PAFAH1B1: variants seen among roughly 807,000 people sequenced by gnomAD.
PAFAH1B1 encodes the protein platelet-activating factor acetylhydrolase IB subunit beta.
In PAFAH1B1, 2 loss-of-function variants were observed where a neutral mutation model predicts 57.5. That is an observed-to-expected ratio of 0.03 (90% confidence interval 0.01 to 0.11). PAFAH1B1 has a LOEUF of 0.11. PAFAH1B1 is among the 10% of genes least tolerant of loss of function. The pLI is 1.00. For missense variants in PAFAH1B1, 257 were observed against 512.0 expected (o/e 0.50, Z 4.81); for synonymous variants, 152 against 169.6 (o/e 0.90, Z 0.81).
intron 2 of PAFAH1B1, among the ~76,000 whole-genome samples, chr17:2,650,601 C>CAG: frequency 7.4e-6 from 1 of 134,550 alleles, no homozygotes; most frequent in East Asian, 2.2e-4. Flanking sequence ...TCTTGCGCCA[C>CAG]TGCACTCCAG....
chr17:2,598,558 T>C (rs1242967316), intron 1 of PAFAH1B1, among the ~76,000 whole-genome samples: 1 of 152,136 alleles, frequency 6.6e-6, no homozygotes, highest in Non-Finnish European at 1.5e-5. Flanking sequence ...GGAAATTCTT[T>C]GCCACTGTTT....
chr17:2,653,000 G>T (rs531362417), intron 2 of PAFAH1B1, among the ~76,000 whole-genome samples: 3 of 152,242 alleles, frequency 2.0e-5, no homozygotes, highest in Admixed American at 6.5e-5. Context: ...GTTCACAATA[G>T]CAAAGACTTG....
At chr17:2,637,294 C>T (rs2068637485) in intron 1 of PAFAH1B1, among the ~76,000 whole-genome samples, 1 of 152,080 alleles carries the variant, frequency 6.6e-6, no homozygotes, top group African/African-American at 2.4e-5. Flanking sequence ...ATCTCAAATA[C>T]ATTTCTTAAT....
At chr17:2,615,157 T>C (rs1050197545) in intron 1 of PAFAH1B1, among the ~76,000 whole-genome samples, 1 of 152,214 alleles carries the variant, frequency 6.6e-6, no homozygotes, top group Admixed American at 6.5e-5. Context: ...TTTATTTTTT[T>C]AGGTATTCTA....
intron 1 of PAFAH1B1, among the ~76,000 whole-genome samples, chr17:2,601,413 A>G (rs1475988639): frequency 1.3e-5 from 2 of 151,742 alleles, no homozygotes; most frequent in Admixed American, 6.6e-5. Flanking sequence ...GAGTACAGGC[A>G]TGAGCCACCG....
chr17:2,669,387 G>A (rs1012095015), intron 5 of PAFAH1B1, among the ~76,000 whole-genome samples: 16 of 151,332 alleles, frequency 1.1e-4, no homozygotes, highest in East Asian at 9.8e-4. Context: ...TCAGCCTCCC[G>A]AGTAGCCGGG....
intron 2 of PAFAH1B1, among the ~76,000 whole-genome samples, chr17:2,650,657 AAAAGG>A (rs1301438177): frequency 1.4e-5 from 2 of 144,046 alleles, no homozygotes; most frequent in East Asian, 2.0e-4. Flanking sequence ...AAAAAAAAAA[AAAAGG>A]AAGTTAATTG....
chr17:2,643,720 C>T (rs1280974405), intron 2 of PAFAH1B1, among the ~76,000 whole-genome samples: 2 of 151,976 alleles, frequency 1.3e-5, no homozygotes, highest in Non-Finnish European at 2.9e-5. Flanking sequence ...CCACCACACC[C>T]CGCTAATTTT....
At chr17:2,616,616 A>G (rs1243647245) in intron 1 of PAFAH1B1, among the ~76,000 whole-genome samples, 2 of 152,232 alleles carry the variant, frequency 1.3e-5, no homozygotes, top group African/African-American at 4.8e-5. Context: ...GCTGACTTAA[A>G]TGTTAATTGT....
intron 1 of PAFAH1B1, 136 bp from the exon 2 acceptor site, chr17:2,637,963 A>C (rs1184045322): frequency 1.2e-5 from 5 of 423,468 alleles, no homozygotes; most frequent in Non-Finnish European, 2.1e-5. Flanking sequence ...GACTTTCACT[A>C]TAAGTGGAAA....
At chr17:2,627,045 C>T (rs1455933367) in intron 1 of PAFAH1B1, among the ~76,000 whole-genome samples, 5 of 152,146 alleles carry the variant, frequency 3.3e-5, no homozygotes, top group African/African-American at 1.2e-4. Context: ...TGTGGGTTGT[C>T]TGTTTACTCT....
intron 2 of PAFAH1B1, chr17:2,640,949 A>G (rs1007796711): frequency 6.6e-6 from 1 of 152,114 alleles, no homozygotes; most frequent in African/African-American, 2.4e-5. Context: ...AGACCATGCA[A>G]ACATTCATGT....
At chr17:2,650,309 C>T (rs993732999) in intron 2 of PAFAH1B1, among the ~76,000 whole-genome samples, 1 of 152,116 alleles carries the variant, frequency 6.6e-6, no homozygotes, top group Non-Finnish European at 1.5e-5. Context: ...GTCAGGAGTT[C>T]AAGACCAGCT....
intron 2 of PAFAH1B1, among the ~76,000 whole-genome samples, chr17:2,646,876 C>A (rs1597549590): frequency 6.6e-6 from 1 of 152,032 alleles, no homozygotes; most frequent in Non-Finnish European, 1.5e-5. Context: ...ATTGCTTTTT[C>A]CGGGACATAA....
Position 2,683,410 on chromosome 17 carries a change from G to A in PAFAH1B1, c.*1608G>A, listed in dbSNP as rs2069416812. ...TCTGAACTGCGTTTTATTCATTTGT[G>A]TACTATGTGATTTTTTAAATGTCCC... On this transcript the variant is annotated 3_prime_UTR_variant, in exon 11 of 11. Transcript: ENST00000397195. 1 of 152,152 alleles carries A rather than the reference G, an allele frequency of 6.6e-6. No homozygotes were observed. The highest frequency in any genetic ancestry group is 6.5e-5 in the Admixed American group (1 of 15,272). 9.4% of individuals were successfully genotyped at this position (152,152 alleles called of 1,614,324 possible). A position where few individuals can be genotyped will look rare whatever the true frequency, so the allele number is the denominator to read the frequency against.
At chr17:2,613,946 C>T (rs983164690) in intron 1 of PAFAH1B1, 10 of 178,382 alleles carry the variant, frequency 5.6e-5, no homozygotes, top group African/African-American at 2.2e-4. Context: ...CAAGAGGGGG[C>T]GGCTGTGGCA....
intron 1 of PAFAH1B1, among the ~76,000 whole-genome samples, chr17:2,594,425 G>C (rs1417867187): frequency 6.6e-6 from 1 of 152,218 alleles, no homozygotes; most frequent in African/African-American, 2.4e-5. Context: ...AAAAGGATCG[G>C]CCCTGCTCTC....
At position 2,666,041 on chromosome 17, in the gene PAFAH1B1, C is replaced by T; in HGVS notation, c.143C>T (p.Ala48Val). 1 of 1,521,182 alleles carries T rather than the reference C, an allele frequency of 6.6e-7. No individual in the cohort carries two copies. Among genetic ancestry groups the T allele is most frequent in the Non-Finnish European group, 9.0e-7 (1 of 1,113,050 alleles). 94.2% of individuals were successfully genotyped at this position (1,521,182 alleles called of 1,614,324 possible). Residue 48 changes from alanine to valine, a missense_variant, in exon 4 of 11, where the codon GCT becomes GTT. Ala to Val is a moderately conservative substitution (Grantham distance 64). Transcript: ENST00000397195. The part of the protein sequence containing the change: ...DVNEELDKKY[A>V]GLLEKKWTSV... Reference sequence around the variant, plus strand: ...AATGAAGAATTAGATAAAAAGTATGCTGGTCTTTTGGAAAAAAAATGGACA... The same window carrying T: ...AATGAAGAATTAGATAAAAAGTATGTTGGTCTTTTGGAAAAAAAATGGACA...
intron 1 of PAFAH1B1, 84 bp downstream of exon 1, chr17:2,594,090 A>C: frequency 2.6e-6 from 1 of 390,590 alleles, no homozygotes; most frequent in Middle Eastern, 6.4e-4. Flanking sequence ...CGGCCTGACG[A>C]TGTGGCTGCG....
Sources: allele counts gnomAD v4.1 joint callset (sites outside exome capture counted in the v4.1 genomes callset), GRCh38; gene constraint gnomAD v4.1.1; transcripts MANE v1.5; gene names NCBI Gene and HGNC (gene_info 2026-07-23, HGNC 2026-07-21).